RERE: variants seen among roughly 807,000 people sequenced by gnomAD.
RERE encodes the protein arginine-glutamic acid dipeptide repeats protein.
RERE carries 40 observed loss-of-function variants against 146.1 expected under a neutral mutation model. The ratio of observed to expected loss-of-function variants is 0.27; its 90% CI spans 0.21 to 0.36. The LOEUF is 0.36. RERE is among the 10% of genes least tolerant of loss of function. RERE has a pLI of 1.00. For missense variants in RERE, 1,933 were observed against 2,138.7 expected (o/e 0.90, Z 1.90); for synonymous variants, 1,003 against 866.0 (o/e 1.16, Z -2.78).
intron 12 of RERE, among the ~76,000 whole-genome samples, chr1:8,405,894 C>T (rs534016266): frequency 8.5e-5 from 13 of 152,260 alleles, no homozygotes; most frequent in African/African-American, 3.1e-4. Context: ...CTCAGCCTCC[C>T]AAAGTGCTGG....
intron 11 of RERE, among the ~76,000 whole-genome samples, chr1:8,447,542 ACAGT>A (rs1391383509): frequency 2.6e-5 from 4 of 151,954 alleles, no homozygotes; most frequent in Non-Finnish European, 4.4e-5. Context: ...TTTCCTTCTA[ACAGT>A]CAGGCCCCTC....
intron 1 of RERE, among the ~76,000 whole-genome samples, chr1:8,815,612 T>C (rs1488913530): frequency 1.3e-5 from 2 of 152,190 alleles, no homozygotes; most frequent in Non-Finnish European, 2.9e-5. Flanking sequence ...TTGAGTGTCC[T>C]TTAGTTTCCA....
chr1:8,655,900 T>C, intron 2 of RERE, 73 bp downstream of exon 2: 1 of 1,549,252 alleles, frequency 6.5e-7, no homozygotes, highest in East Asian at 2.2e-5. Flanking sequence ...ACAAAGCGTA[T>C]TTATTTCACC....
chr1:8,611,037 A>G (rs1646786921), intron 4 of RERE, among the ~76,000 whole-genome samples: 1 of 152,024 alleles, frequency 6.6e-6, no homozygotes, highest in Admixed American at 6.6e-5. Context: ...TACTAAAAAT[A>G]CAAAAAAAAT....
At chr1:8,391,589 G>C (rs1317225381) in intron 12 of RERE, among the ~76,000 whole-genome samples, 1 of 151,990 alleles carries the variant, frequency 6.6e-6, no homozygotes, top group African/African-American at 2.4e-5. Flanking sequence ...TCATCTCTGG[G>C]GTCATAACTG....
chr1:8,759,364 T>G (rs1399687663), intron 1 of RERE, among the ~76,000 whole-genome samples: 1 of 152,096 alleles, frequency 6.6e-6, no homozygotes, highest in Non-Finnish European at 1.5e-5. Flanking sequence ...GGATGAAGAA[T>G]TAGAAAGAAA....
chr1:8,743,550 C>T (rs754093872), intron 1 of RERE, among the ~76,000 whole-genome samples: 22 of 151,788 alleles, frequency 1.4e-4, no homozygotes, highest in South Asian at 6.3e-4. Context: ...CGTGAACCAC[C>T]GCACCCAGCC....
chr1:8,421,916 A>G (rs1010749938), intron 12 of RERE, among the ~76,000 whole-genome samples: 5 of 151,994 alleles, frequency 3.3e-5, no homozygotes, highest in African/African-American at 1.2e-4. Flanking sequence ...GGCTGCTCCA[A>G]CTCCATCCCA....
chr1:8,656,286 G>C lies in RERE; in HGVS notation c.12C>G (p.Asp4Glu). The change falls in exon 2 of 23, where the codon GAC becomes GAG. Residue 4 changes from aspartate to glutamate, a missense_variant. Asp to Glu is a conservative substitution (Grantham distance 45, BLOSUM62 2). This residue lies in a region of RERE where 107 missense variants were observed against 119.7 expected (regional missense o/e 0.89). Coordinates refer to ENST00000400908, the MANE Select transcript of RERE (RefSeq NM_001042681.2). ...TCTCTTTGTCTTTGTCTTTGTCTTT[G>C]TCCGCTGTCATGATTCGCCACGTGC... Reference protein sequence around the residue: MTADKDKDKDKEKD... With the variant: MTAEKDKDKDKEKD... 1.2e-6 allele frequency: 2 copies of C among 1,611,898 alleles called. No homozygotes were observed. Among genetic ancestry groups the C allele is most frequent in the Non-Finnish European group, 1.7e-6 (2 of 1,178,972 alleles).
At position 8,360,298 on chromosome 1, in the gene RERE, C is replaced by A; in HGVS notation, c.3209G>T (p.Cys1070Phe). The A allele has an allele frequency of 3.2e-6, 5 of 1,551,158 alleles. No individual in the cohort carries two copies. Among genetic ancestry groups the A allele is most frequent in the Non-Finnish European group, 4.4e-6 (5 of 1,147,894 alleles). The change falls in exon 18 of 23, where the codon TGC becomes TTC. Residue 1070 changes from cysteine to phenylalanine, a missense_variant. By Grantham distance (205) the Cys-to-Phe change is radical. Around this residue, in one of 11 missense-constraint regions of RERE, gnomAD observed 1,255 missense variants for 1,153.8 expected, o/e 1.09. Coordinates refer to ENST00000400908, the MANE Select transcript of RERE (RefSeq NM_001042681.2). ...GCCTCCTGAAGCCGCCGCACCAGAG[C>A]AGGGTGGCTGGGCCGAGGTGCCAGG... ...AGPGTSAQPP[C>F]SGAAASGGSI...
chr1:8,626,634 T>C (rs1450944781), intron 2 of RERE, among the ~76,000 whole-genome samples: 1 of 152,180 alleles, frequency 6.6e-6, no homozygotes, highest in Non-Finnish European at 1.5e-5. Context: ...ACGTCCCCTC[T>C]GGCTGGAGAG....
At chr1:8,605,913 T>C (rs569499973) in intron 4 of RERE, among the ~76,000 whole-genome samples, 2 of 139,446 alleles carry the variant, frequency 1.4e-5, no homozygotes, top group South Asian at 2.3e-4. Context: ...GGCATGATTA[T>C]AGCACACTGC....
Position 8,364,713 on chromosome 1 carries a change from G to GC in RERE, c.1540+32dup, listed in dbSNP as rs1458272353. The GC allele has an allele frequency of 6.5e-7, 1 of 1,534,724 alleles. No homozygotes were observed. The highest frequency in any genetic ancestry group is 2.2e-5 in the East Asian group (1 of 44,498). On this transcript the variant is annotated intron_variant, in intron 14 of 22. Coordinates refer to ENST00000400908, the MANE Select transcript of RERE (RefSeq NM_001042681.2). The surrounding 1 kb of genome is among the most constrained non-coding windows in gnomAD (Gnocchi z 5.1). ...AGAACATGGAAGTGCTTGTGCCCCC[G>GC]CCCCGCCCCAGGAGCGTGACGAGGC...
chr1:8,786,020 G>A (rs987196403), intron 1 of RERE, among the ~76,000 whole-genome samples: 2 of 151,840 alleles, frequency 1.3e-5, no homozygotes, highest in Non-Finnish European at 2.9e-5. Context: ...TCACCTCCAC[G>A]ACTACCACAC....
chr1:8,808,348 T>G (rs1026035930), intron 1 of RERE, among the ~76,000 whole-genome samples: 12 of 152,086 alleles, frequency 7.9e-5, no homozygotes, highest in African/African-American at 2.9e-4. Context: ...ATTCAAACCA[T>G]CTAGAGTTCA....
intron 1 of RERE, among the ~76,000 whole-genome samples, chr1:8,816,866 T>C (rs956739475): frequency 6.6e-6 from 1 of 152,058 alleles, no homozygotes; most frequent in Non-Finnish European, 1.5e-5. Context: ...TTTCAGCCAA[T>C]AATGTAGTCA....
At chr1:8,585,736 T>C (rs1159809624) in intron 4 of RERE, among the ~76,000 whole-genome samples, 3 of 152,202 alleles carry the variant, frequency 2.0e-5, no homozygotes, top group East Asian at 3.8e-4. Flanking sequence ...AATGTATTAT[T>C]TGAAAACTGG....
At chr1:8,689,964 T>C (rs780782744) in intron 1 of RERE, among the ~76,000 whole-genome samples, 1 of 152,176 alleles carries the variant, frequency 6.6e-6, no homozygotes, top group Non-Finnish European at 1.5e-5. Flanking sequence ...GGCTGTTCAG[T>C]AGGTCTAAAG....
chr1:8,498,730 T>TACACACACACACAC (rs1357066114), intron 8 of RERE, among the ~76,000 whole-genome samples: 183 of 11,828 alleles, frequency 0.015, 2 homozygotes, highest in East Asian at 0.036. Flanking sequence ...AAAATAAATA[T>TACACACACACACAC]ATACACACAC....
Sources: allele counts gnomAD v4.1 joint callset (sites outside exome capture counted in the v4.1 genomes callset), GRCh38; gene constraint gnomAD v4.1.1; regional missense constraint gnomAD v4.1.1; non-coding constraint Gnocchi (gnomAD v3.1); transcripts MANE v1.5; gene names NCBI Gene and HGNC (gene_info 2026-07-23, HGNC 2026-07-21).